Variants in RALYL observed in about 807,000 individuals in gnomAD.
RALYL encodes the protein RALY RNA binding protein like, also known as RNA-binding Raly-like protein.
A neutral mutation model predicts 35.1 loss-of-function variants in RALYL; 29 were observed. That is an observed-to-expected ratio of 0.83 (90% CI 0.61 to 1.13). The LOEUF (loss-of-function observed/expected upper bound fraction) is 1.13, where lower values mean the gene tolerates loss of function less well. Ranked by LOEUF, RALYL falls within the 50% of genes most tolerant of loss-of-function variation. The probability of loss-of-function intolerance (pLI) is 0.00; values close to 1 mark genes in which losing one functional copy is unlikely to be tolerated. For synonymous variants in RALYL, 120 were observed against 127.6 expected (o/e 0.94, Z 0.40); for missense variants, 359 against 360.4 (o/e 1.00, Z 0.03).
intron 1 of RALYL, among the ~76,000 whole-genome samples, chr8:84,449,186 G>A (rs2049183848): frequency 6.6e-6 from 1 of 151,080 alleles, no homozygotes; most frequent in African/African-American, 2.4e-5. Context: ...AAATCTGTGT[G>A]TATTTACATT....
At chr8:84,537,798 G>T (rs1425929960) in intron 2 of RALYL, among the ~76,000 whole-genome samples, 1 of 152,008 alleles carries the variant, frequency 6.6e-6, no homozygotes, top group Non-Finnish European at 1.5e-5. Flanking sequence ...TACAAATAAG[G>T]GGAATTCTAT....
chr8:84,471,204 T>C (rs1159362265), intron 1 of RALYL, among the ~76,000 whole-genome samples: 5 of 152,206 alleles, frequency 3.3e-5, no homozygotes, highest in Admixed American at 1.3e-4. Flanking sequence ...TGAACTAATA[T>C]ATTGCAAAGT....
Position 84,881,669 on chromosome 8 carries a change from C to A in RALYL, c.686-5935C>A, listed in dbSNP as rs183757351. On this transcript the variant is annotated intron_variant, in intron 7 of 8. Coordinates refer to ENST00000521268, the MANE Select transcript of RALYL (RefSeq NM_173848.7). ...GAGGATTGGAATTTAATATTAAATT[C>A]TTTTCTTTCATGGTTTTTTAAAGCT... 2.5e-4 allele frequency among the ~76,000 whole-genome samples: 38 copies of A among 151,858 alleles called. No homozygotes were observed. In the South Asian group the frequency reaches 4.8e-3, roughly 19 times the overall value.
chr8:84,912,102 T>A (rs1199625482), intron 8 of RALYL, among the ~76,000 whole-genome samples: 1 of 152,112 alleles, frequency 6.6e-6, no homozygotes, highest in African/African-American at 2.4e-5. Context: ...AGTCATTCAG[T>A]CTTTCTGGAG....
intron 1 of RALYL, among the ~76,000 whole-genome samples, chr8:84,330,751 T>G (rs1416510787): frequency 1.3e-5 from 2 of 152,066 alleles, no homozygotes; most frequent in Non-Finnish European, 2.9e-5. Flanking sequence ...TCTCCTTCAA[T>G]CATACTTTTT....
chr8:84,576,411 A>C (rs1229500609), intron 2 of RALYL, among the ~76,000 whole-genome samples: 1 of 152,228 alleles, frequency 6.6e-6, no homozygotes, highest in Non-Finnish European at 1.5e-5. Flanking sequence ...AATTTAGAAA[A>C]AACAATTGTG....
At chr8:84,707,188 A>G (rs1380137931) in intron 2 of RALYL, among the ~76,000 whole-genome samples, 3 of 152,202 alleles carry the variant, frequency 2.0e-5, no homozygotes, top group African/African-American at 7.2e-5. Flanking sequence ...TCTGAGGGCT[A>G]GGCTGCCAGT....
At chr8:84,202,990 G>A (rs149341814) in intron 1 of RALYL, among the ~76,000 whole-genome samples, 157 of 152,212 alleles carry the variant, frequency 1.0e-3, no homozygotes, top group African/African-American at 3.7e-3. Flanking sequence ...ACACAGGAAC[G>A]GAGTAGAGAG....
intron 1 of RALYL, among the ~76,000 whole-genome samples, chr8:84,227,309 C>T (rs369558220): frequency 2.6e-5 from 4 of 151,842 alleles, no homozygotes; most frequent in East Asian, 3.9e-4. Context: ...CCACCCGCCT[C>T]GGTCTCTCAA....
chr8:84,744,782 G>A (rs149283185), intron 2 of RALYL, among the ~76,000 whole-genome samples: 47 of 151,882 alleles, frequency 3.1e-4, no homozygotes, highest in Admixed American at 5.9e-4. Context: ...ATCTAGTACC[G>A]GTATCAGGAT....
intron 2 of RALYL, among the ~76,000 whole-genome samples, chr8:84,770,250 A>G (rs759231050): frequency 6.6e-6 from 1 of 151,798 alleles, no homozygotes; most frequent in Non-Finnish European, 1.5e-5. Context: ...TTATGCCTTC[A>G]TATCTCCATA....
intron 2 of RALYL, among the ~76,000 whole-genome samples, chr8:84,620,933 A>C (rs1821227983): frequency 6.6e-6 from 1 of 152,110 alleles, no homozygotes; most frequent in Admixed American, 6.5e-5. Flanking sequence ...GACCCACTTG[A>C]GGAGGCAGTC....
At chr8:84,218,827 G>A (rs1479803600) in intron 1 of RALYL, among the ~76,000 whole-genome samples, 5 of 152,054 alleles carry the variant, frequency 3.3e-5, no homozygotes, top group Non-Finnish European at 1.5e-5. Context: ...CCCAGCGTGT[G>A]GTTGGTGCTG....
In RALYL at chr8:84,900,431, C is replaced by G. The variant is rs564900885; in HGVS notation, c.858+12655C>G. ...GTGGCTCACGTCTGTAATTCCAACA[C>G]TTTGGAAGGCCGAGGCAGGCAGATC... On this transcript the variant is annotated intron_variant, in intron 8 of 8. Transcript: ENST00000521268. 5.3e-5 allele frequency among the ~76,000 whole-genome samples: 8 copies of G among 152,246 alleles called. No homozygotes were observed. The East Asian group carries it at 1.5e-3, about 29-fold the overall frequency.
At chr8:84,285,048 G>T (rs556961915) in intron 1 of RALYL, among the ~76,000 whole-genome samples, 9 of 152,260 alleles carry the variant, frequency 5.9e-5, no homozygotes, top group African/African-American at 2.2e-4. Context: ...GAAATGAGAG[G>T]AGAGAATTAT....
At chr8:84,471,778 A>C (rs2052788687) in intron 1 of RALYL, among the ~76,000 whole-genome samples, 1 of 152,226 alleles carries the variant, frequency 6.6e-6, no homozygotes, top group Admixed American at 6.5e-5. Flanking sequence ...CATCTGTAAA[A>C]TGGCAATACT....
chr8:84,380,723 T>C (rs1377079202), intron 1 of RALYL, among the ~76,000 whole-genome samples: 2 of 151,914 alleles, frequency 1.3e-5, no homozygotes, highest in Non-Finnish European at 2.9e-5. Flanking sequence ...GCATCAGTGG[T>C]GGGGGTCCAG....
intron 1 of RALYL, among the ~76,000 whole-genome samples, chr8:84,303,037 A>C (rs113235616): frequency 0.045 from 6,841 of 152,244 alleles, 226 homozygotes; most frequent in Non-Finnish European, 0.067. Context: ...AATTTTTACC[A>C]ATATGCTGTT....
intron 2 of RALYL, chr8:84,679,429 G>A (rs1405094168): frequency 7.1e-6 from 2 of 281,776 alleles, no homozygotes; most frequent in Non-Finnish European, 7.1e-6. Context: ...GTGCTCTTTG[G>A]TCCACTAGGT....
Sources: allele counts gnomAD v4.1 joint callset (sites outside exome capture counted in the v4.1 genomes callset), GRCh38; gene constraint gnomAD v4.1.1; transcripts MANE v1.5; gene names NCBI Gene and HGNC (gene_info 2026-07-23, HGNC 2026-07-21).